VPS53: variants seen among roughly 807,000 people sequenced by gnomAD.
VPS53 encodes VPS53 subunit of GARP complex, also known as vacuolar protein sorting-associated protein 53 homolog.
Under a neutral mutation model 107.0 loss-of-function variants are expected in VPS53, and 70 were observed. The ratio of observed to expected loss-of-function variants is 0.65; its 90% CI spans 0.54 to 0.80. The LOEUF (loss-of-function observed/expected upper bound fraction) is 0.80, where lower values mean the gene tolerates loss of function less well. Ranked by LOEUF, VPS53 falls within the 30% of genes least tolerant of loss-of-function variation. The probability of loss-of-function intolerance (pLI) is 0.00; values close to 1 mark genes in which losing one functional copy is unlikely to be tolerated. For missense variants in VPS53, 917 were observed against 1,049.4 expected (o/e 0.87, Z 1.74); for synonymous variants, 409 against 393.3 (o/e 1.04, Z -0.47).
At chr17:533,849 T>G (rs949125517) in intron 18 of VPS53, among the ~76,000 whole-genome samples, 1 of 152,090 alleles carries the variant, frequency 6.6e-6, no homozygotes, top group African/African-American at 2.4e-5. Context: ...TAAACTTTTT[T>G]TTTTTTTTGA....
intron 7 of VPS53, among the ~76,000 whole-genome samples, chr17:632,085 C>T (rs925182029): frequency 5.3e-5 from 8 of 152,002 alleles, no homozygotes; most frequent in South Asian, 2.1e-4. Flanking sequence ...CCAGTCTCCA[C>T]GAAAAACAAA....
At chr17:567,737 A>G (rs1314366286) in intron 13 of VPS53, among the ~76,000 whole-genome samples, 5 of 152,042 alleles carry the variant, frequency 3.3e-5, no homozygotes, top group African/African-American at 9.7e-5. Flanking sequence ...AAAAATAAAC[A>G]AATTAGTTAG....
rs542041709 is a variant in VPS53, at chr17:560,346, G to A, written c.1704+80C>T. ...AGGTTGTCTGTGGCCATGTTAGGAC[G>A]TATATTCTTACTCGCCGAGCGACGC... On this transcript the variant is annotated intron_variant, in intron 15 of 21. Coordinates refer to ENST00000437048, the MANE Select transcript of VPS53 (RefSeq NM_001128159.3). The A allele has an allele frequency of 2.1e-3, 3,245 of 1,511,594 alleles. 10 individuals carry two copies. Among genetic ancestry groups the A allele is most frequent in the Non-Finnish European group, 2.7e-3 (3,024 of 1,121,946 alleles). The allele number at this position is 1,511,594 out of a possible 1,614,324, so 93.6% of individuals were successfully genotyped here. A position where few individuals can be genotyped will look rare whatever the true frequency, so the allele number is the denominator to read the frequency against.
Position 510,566 on chromosome 17 carries a change from C to A in VPS53, c.*8562G>T, listed in dbSNP as rs1409017774. 6.5e-6 allele frequency: 1 copy of A among 154,852 alleles called. No homozygotes were observed. Among genetic ancestry groups the A allele is most frequent in the Non-Finnish European group, 1.4e-5 (1 of 70,148 alleles). 9.6% of individuals were successfully genotyped at this position (154,852 alleles called of 1,614,324 possible). ...ACTAGGCACATATCCTTGGGCCTGT[C>A]ACTTACCCTCTTTGAGCCTCCAAGT... On this transcript the variant is annotated 3_prime_UTR_variant, in exon 22 of 22. Transcript: ENST00000437048.
Position 560,623 on chromosome 17 carries a change from C to T in VPS53, c.1557-50G>A, listed in dbSNP as rs775712815. The T allele has an allele frequency of 2.1e-5, 34 of 1,590,362 alleles. No homozygotes were observed. The South Asian group carries it at 3.0e-4, about 14-fold the overall frequency. On this transcript the variant is annotated intron_variant, in intron 14 of 21. Transcript: ENST00000437048. ...TCAGCATGGAATTTCTAATTTGCTT[C>T]CTGAACTGGAAACTACATTATTTTA... is the stretch of plus-strand genomic sequence containing the variant.
At chr17:589,093 AT>A (rs528521268) in intron 12 of VPS53, among the ~76,000 whole-genome samples, 2 of 151,658 alleles carry the variant, frequency 1.3e-5, no homozygotes, top group African/African-American at 4.8e-5. Flanking sequence ...TTTTTATTTA[AT>A]TTTTTTCTTC....
intron 13 of VPS53, among the ~76,000 whole-genome samples, chr17:568,711 T>C (rs754933748): frequency 2.6e-5 from 4 of 152,004 alleles, no homozygotes; most frequent in Admixed American, 6.6e-5. Context: ...ACTGAGCAAA[T>C]AGGTAAATAT....
intron 15 of VPS53, among the ~76,000 whole-genome samples, chr17:556,191 G>T (rs1344825481): frequency 6.6e-6 from 1 of 152,168 alleles, no homozygotes; most frequent in Non-Finnish European, 1.5e-5. Flanking sequence ...TTGGGAGGCT[G>T]AGGGTAGGAT....
intron 12 of VPS53, among the ~76,000 whole-genome samples, chr17:587,716 A>T (rs2143001040): frequency 6.6e-6 from 1 of 152,356 alleles, no homozygotes; most frequent in Middle Eastern, 3.4e-3. Flanking sequence ...GTCTATTGCC[A>T]AATGTCTACA....
chr17:635,947 G>A (rs1970181643), intron 7 of VPS53, among the ~76,000 whole-genome samples: 1 of 152,314 alleles, frequency 6.6e-6, no homozygotes, highest in East Asian at 1.9e-4. Context: ...GTCATTGGTA[G>A]CTTGATGGGG....
chr17:593,997 G>A (rs1272944433), intron 12 of VPS53, among the ~76,000 whole-genome samples: 8 of 152,276 alleles, frequency 5.3e-5, no homozygotes, highest in South Asian at 4.1e-4. Flanking sequence ...TGATGAGTTC[G>A]CGTCCTTTGT....
intron 10 of VPS53, among the ~76,000 whole-genome samples, chr17:626,064 G>A (rs1212805336): frequency 6.6e-6 from 1 of 152,108 alleles, no homozygotes; most frequent in Admixed American, 6.6e-5. Context: ...ACAAAAATTA[G>A]CCGGTGTGGT....
intron 19 of VPS53, among the ~76,000 whole-genome samples, chr17:527,559 A>G (rs1170083938): frequency 3.9e-5 from 6 of 152,190 alleles, no homozygotes; most frequent in Non-Finnish European, 8.8e-5. Context: ...ACCAGCACAT[A>G]TGAAAGTTCC....
chr17:620,583 G>A (rs945537228), intron 11 of VPS53, among the ~76,000 whole-genome samples: 48 of 152,260 alleles, frequency 3.2e-4, no homozygotes, highest in African/African-American at 1.1e-3. Flanking sequence ...ATGAAGCACA[G>A]TGACTGACTG....
chr17:595,140 C>A (rs1324616251), intron 12 of VPS53, among the ~76,000 whole-genome samples: 1 of 103,344 alleles, frequency 9.7e-6, no homozygotes, highest in Admixed American at 9.2e-5. Flanking sequence ...GGGAAGGGGT[C>A]TGGACCAATT....
chr17:665,322 C>T (rs1315558448), intron 4 of VPS53, among the ~76,000 whole-genome samples: 1 of 152,250 alleles, frequency 6.6e-6, no homozygotes. Flanking sequence ...GTGAGAAAGC[C>T]CTCGCCGCGG....
At chr17:663,586 C>T (rs536157379) in intron 4 of VPS53, among the ~76,000 whole-genome samples, 10 of 152,264 alleles carry the variant, frequency 6.6e-5, no homozygotes, top group East Asian at 1.9e-4. Context: ...CTGGACCGTC[C>T]GTGAGTAAAG....
At chr17:546,313 T>C (rs1911183439) in intron 17 of VPS53, among the ~76,000 whole-genome samples, 1 of 145,114 alleles carries the variant, frequency 6.9e-6, no homozygotes, top group South Asian at 2.2e-4. Context: ...GATCAGGCAA[T>C]GGTATCTTAG....
intron 19 of VPS53, among the ~76,000 whole-genome samples, chr17:529,622 A>G (rs1909380620): frequency 6.6e-6 from 1 of 152,176 alleles, no homozygotes; most frequent in African/African-American, 2.4e-5. Flanking sequence ...AATGAACATG[A>G]GCTATCCTGT....
Sources: gnomAD v4.1 joint callset for allele counts (sites outside exome capture counted in the v4.1 genomes callset) on GRCh38, gnomAD v4.1.1 for gene constraint, MANE v1.5 for transcripts, NCBI Gene and HGNC (gene_info 2026-07-23, HGNC 2026-07-21) for gene names.